The following SLIT1 variants were observed in gnomAD, a reference collection of about 807,000 sequenced individuals.
SLIT1 encodes the protein slit guidance ligand 1.
SLIT1 carries 66 observed loss-of-function variants against 186.1 expected under a neutral mutation model. That is an observed-to-expected ratio of 0.35 (90% CI 0.29 to 0.44). The LOEUF (loss-of-function observed/expected upper bound fraction) is 0.44. Among genes scored for constraint, SLIT1 ranks in the 20% least tolerant of loss-of-function variants. The pLI is 1.00. For synonymous variants in SLIT1, 761 were observed against 833.8 expected (o/e 0.91, Z 1.50); for missense variants, 1,638 against 2,037.4 (o/e 0.80, Z 3.77).
At chr10:97,105,547 C>T (rs1053768951) in intron 4 of SLIT1, among the ~76,000 whole-genome samples, 4 of 152,172 alleles carry the variant, frequency 2.6e-5, no homozygotes, top group African/African-American at 7.2e-5. Context: ...AATCACCATC[C>T]CTGTCTTTAC....
chr10:97,118,206 G>A (rs981947597), intron 4 of SLIT1, among the ~76,000 whole-genome samples: 2 of 152,120 alleles, frequency 1.3e-5, no homozygotes, highest in Non-Finnish European at 2.9e-5. Context: ...AAGGTTTTAG[G>A]CCCATTTTGC....
intron 11 of SLIT1, chr10:97,057,619 A>T: frequency 2.7e-6 from 1 of 367,724 alleles, no homozygotes; most frequent in Non-Finnish European, 4.9e-6. Flanking sequence ...CCAGAATCCA[A>T]AAGGAGATTG....
intron 5 of SLIT1, among the ~76,000 whole-genome samples, chr10:97,065,098 A>G (rs1040198679): frequency 5.6e-4 from 85 of 151,758 alleles, no homozygotes; most frequent in African/African-American, 1.9e-3. Flanking sequence ...ATATTCTTCT[A>G]CTCAACCTTA....
At chr10:97,016,306 C>T (rs1848454760) in intron 28 of SLIT1, among the ~76,000 whole-genome samples, 1 of 149,664 alleles carries the variant, frequency 6.7e-6, no homozygotes, top group Non-Finnish European at 1.5e-5. Flanking sequence ...GAGACTCTGT[C>T]TCAAAAAAAA....
chr10:97,038,217 C>G (rs1848657766), intron 21 of SLIT1, among the ~76,000 whole-genome samples: 1 of 152,202 alleles, frequency 6.6e-6, no homozygotes. Flanking sequence ...CCAGTTCCCC[C>G]TCATTCCATC....
chr10:97,169,588 C>CCCAGGGCAG (rs1234758417), intron 1 of SLIT1, among the ~76,000 whole-genome samples: 3 of 152,188 alleles, frequency 2.0e-5, no homozygotes, highest in Admixed American at 6.5e-5. Flanking sequence ...GACCTTAAGC[C>CCCAGGGCAG]CCAGGGCAGC....
intron 25 of SLIT1, among the ~76,000 whole-genome samples, chr10:97,026,558 T>G (rs2134605410): frequency 6.6e-6 from 1 of 152,380 alleles, no homozygotes; most frequent in South Asian, 2.1e-4. Flanking sequence ...GGGCATGCCA[T>G]AATTTACTTA....
intron 4 of SLIT1, among the ~76,000 whole-genome samples, chr10:97,104,607 A>G (rs557581905): frequency 1.3e-5 from 2 of 152,074 alleles, no homozygotes; most frequent in East Asian, 3.9e-4. Flanking sequence ...TCACTCTTGG[A>G]TGCAAGCCCC....
Position 97,098,480 on chromosome 10 carries a change from G to A in SLIT1, c.414-32394C>T, listed in dbSNP as rs184637782. ...TAGGGGTACGGTGAGGACTTGGCGAGGCAGAGTAGGTGAGCAGAGGCAGGA... is the reference window on the plus strand; with the variant it reads ...TAGGGGTACGGTGAGGACTTGGCGAAGCAGAGTAGGTGAGCAGAGGCAGGA... On this transcript the variant is annotated intron_variant, in intron 4 of 36. Transcript: ENST00000266058. 1.0e-3 allele frequency among the ~76,000 whole-genome samples: 158 copies of A among 152,330 alleles called. 1 individual carries two copies. Among genetic ancestry groups the A allele is most frequent in the African/African-American group, 3.4e-3 (141 of 41,570 alleles).
intron 4 of SLIT1, among the ~76,000 whole-genome samples, chr10:97,080,253 GC>G (rs1403313251): frequency 1.3e-5 from 2 of 152,072 alleles, no homozygotes; most frequent in East Asian, 3.9e-4. Context: ...AAGCACAGAG[GC>G]CTCCTACAAG....
At chr10:97,104,538 C>T (rs150294374) in intron 4 of SLIT1, among the ~76,000 whole-genome samples, 6 of 152,158 alleles carry the variant, frequency 3.9e-5, no homozygotes, top group East Asian at 3.9e-4. Context: ...AGCAAATGTA[C>T]GTGCCCACTC....
intron 8 of SLIT1, 47 bp downstream of exon 8, chr10:97,063,408 G>A: frequency 6.2e-7 from 1 of 1,603,320 alleles, no homozygotes; most frequent in Non-Finnish European, 8.5e-7. Context: ...AAGAGGCAGG[G>A]CAGGAGGCGC....
At chr10:97,110,655 G>A (rs1724334077) in intron 4 of SLIT1, among the ~76,000 whole-genome samples, 1 of 152,224 alleles carries the variant, frequency 6.6e-6, no homozygotes, top group Admixed American at 6.5e-5. Context: ...CATCTATGTA[G>A]CAACACCAAA....
At chr10:97,053,296 T>G (rs560167221) in intron 13 of SLIT1, among the ~76,000 whole-genome samples, 17 of 152,210 alleles carry the variant, frequency 1.1e-4, no homozygotes, top group Non-Finnish European at 2.2e-4. Flanking sequence ...CTGCTTAAAA[T>G]AGTCCACCTT....
At chr10:97,133,205 A>C (rs545550364) in intron 4 of SLIT1, among the ~76,000 whole-genome samples, 7 of 152,336 alleles carry the variant, frequency 4.6e-5, no homozygotes, top group Admixed American at 1.3e-4. Flanking sequence ...CACATGCTAC[A>C]ACAGGGATGA....
chr10:97,012,544 A>C (rs1848421096), intron 30 of SLIT1, among the ~76,000 whole-genome samples: 1 of 152,194 alleles, frequency 6.6e-6, no homozygotes, highest in African/African-American at 2.4e-5. Flanking sequence ...GGGCTGTGCT[A>C]GCAGCTCCAG....
Position 97,010,930 on chromosome 10 carries a change from C to T in SLIT1, c.3341+63G>A, listed in dbSNP as rs1848404880. 6.5e-7 allele frequency: 1 copy of T among 1,529,948 alleles called. No individual in the cohort carries two copies. Among genetic ancestry groups the T allele is most frequent in the South Asian group, 1.2e-5 (1 of 83,572 alleles). The allele number at this position is 1,529,948 out of a possible 1,614,324, so 94.8% of individuals were successfully genotyped here. ...CTTTCCTTCGCCATGGCTGGAGGCT[C>T]CTGCCAGCCCAGGGGCTGACAGCCA... On this transcript the variant is annotated intron_variant, in intron 31 of 36. Coordinates refer to ENST00000266058, the MANE Select transcript of SLIT1 (RefSeq NM_003061.3). The surrounding 1 kb of genome is among the most constrained non-coding windows in gnomAD (Gnocchi z 4.8).
At chr10:97,127,671 G>A (rs1185197997) in intron 4 of SLIT1, among the ~76,000 whole-genome samples, 1 of 152,140 alleles carries the variant, frequency 6.6e-6, no homozygotes, top group Non-Finnish European at 1.5e-5. Flanking sequence ...AGAGCTTCAG[G>A]GATCATGCGT....
rs1049963222 is a variant in SLIT1 at position 97,004,338 on chromosome 10, G to A, written c.3711-116C>T. On this transcript the variant is annotated intron_variant, in intron 33 of 36. Coordinates refer to ENST00000266058, the MANE Select transcript of SLIT1 (RefSeq NM_003061.3). This position sits in a 1 kb window ranked among gnomAD's most constrained non-coding sequence, Gnocchi z 5.1. ...CTTCCCAGGAGACCAAATATCTAAG[G>A]AAAAGGACTGTGGGGGCTCAAGGGT... 2.9e-6 allele frequency: 3 copies of A among 1,040,028 alleles called. No individual in the cohort carries two copies. The highest frequency in any genetic ancestry group is 3.1e-5 in the South Asian group (2 of 64,600). The allele number at this position is 1,040,028 out of a possible 1,614,324, so 64.4% of individuals were successfully genotyped here.
Sources: allele counts gnomAD v4.1 joint callset (sites outside exome capture counted in the v4.1 genomes callset), GRCh38; gene constraint gnomAD v4.1.1; non-coding constraint Gnocchi (gnomAD v3.1); transcripts MANE v1.5; gene names NCBI Gene and HGNC (gene_info 2026-07-23, HGNC 2026-07-21).